The following OOSP4A variants were observed in gnomAD, a reference collection of about 807,000 sequenced individuals.
OOSP4A encodes oocyte-secreted protein 4A.
At chr11:59,969,040 C>T (rs1854131368) in intron 3 of OOSP4A, 110 bp from the exon 4 acceptor site, 1 of 394,804 alleles carries the variant, frequency 2.5e-6, no homozygotes, top group African/African-American at 2.1e-5. Flanking sequence ...CATTCTCTCA[C>T]AGCTGGAAGA....
At chr11:59,965,802 T>C (rs1189259136) in intron 2 of OOSP4A, 89 bp downstream of exon 2, 4 of 397,038 alleles carry the variant, frequency 1.0e-5, no homozygotes, top group Non-Finnish European at 1.8e-5. Flanking sequence ...TATTCACATT[T>C]TAATTGTCAG....
intron 3 of OOSP4A, 49 bp from the exon 4 acceptor site, chr11:59,969,100 CA>C: frequency 2.5e-6 from 1 of 397,752 alleles, no homozygotes; most frequent in Non-Finnish European, 4.4e-6. Flanking sequence ...TCTCCACCTC[CA>C]AAAGCATAAT....
exon 5 of OOSP4A, chr11:59,970,093 A>C (rs906885590): frequency 1.3e-5 from 5 of 398,024 alleles, no homozygotes; most frequent in African/African-American, 1.0e-4. Context: ...TCCCTTCCTA[A>C]GTGTAAGAAC....
At chr11:59,965,745 T>C in intron 2 of OOSP4A, 32 bp downstream of exon 2, 1 of 398,282 alleles carries the variant, frequency 2.5e-6, no homozygotes. Context: ...ACCAATAATA[T>C]ATCTTTTGAC....
intron 1 of OOSP4A, 57 bp downstream of exon 1, chr11:59,964,156 T>C: frequency 2.5e-6 from 1 of 396,814 alleles, no homozygotes; most frequent in Non-Finnish European, 4.4e-6. Flanking sequence ...GGCTTTTTTT[T>C]TTTTTTTTTT....
At chr11:59,965,677 C>A (rs767883859) in exon 2 of OOSP4A, 4 of 398,444 alleles carry the variant, frequency 1.0e-5, no homozygotes, top group Non-Finnish European at 1.8e-5. Context: ...TCTTTGGGTT[C>A]CTGTATCTTC....
intron 3 of OOSP4A, among the ~76,000 whole-genome samples, chr11:59,967,417 A>G (rs1306721741): frequency 6.6e-6 from 1 of 152,130 alleles, no homozygotes; most frequent in Non-Finnish European, 1.5e-5. Flanking sequence ...TATGTCAGAA[A>G]GTTTTTGTTA....
chr11:59,964,201 T>C (rs1854072741), intron 1 of OOSP4A, 102 bp downstream of exon 1: 1 of 396,040 alleles, frequency 2.5e-6, no homozygotes, highest in South Asian at 1.4e-4. Context: ...TTTGTTTTTT[T>C]TATAACCTAG....
At chr11:59,970,129 G>A (rs753501461) in exon 5 of OOSP4A, 3 of 397,930 alleles carry the variant, frequency 7.5e-6, no homozygotes, top group South Asian at 1.3e-4. Context: ...GGATGATGAG[G>A]CTACCCTACT....
intron 2 of OOSP4A, 42 bp from the exon 3 acceptor site, chr11:59,967,025 A>G (rs1333370919): frequency 1.3e-5 from 5 of 397,164 alleles, no homozygotes; most frequent in Non-Finnish European, 2.2e-5. Flanking sequence ...AAGCATTTGA[A>G]AGAGATATAA....
chr11:59,964,979 A>C (rs151120430), intron 1 of OOSP4A, among the ~76,000 whole-genome samples: 4,126 of 152,170 alleles, frequency 0.027, 75 homozygotes, highest in Non-Finnish European at 0.041. Flanking sequence ...ATCCCTAAAA[A>C]CAAAGTGTGC....
intron 3 of OOSP4A, among the ~76,000 whole-genome samples, chr11:59,968,912 T>G (rs1000124571): frequency 1.3e-5 from 2 of 152,216 alleles, no homozygotes; most frequent in Admixed American, 1.3e-4. Flanking sequence ...TGAAATTGGC[T>G]TCAGGTCACA....
intron 1 of OOSP4A, 124 bp from the exon 2 acceptor site, chr11:59,965,411 G>A (rs987137017): frequency 2.5e-6 from 1 of 396,264 alleles, no homozygotes; most frequent in Admixed American, 4.4e-5. Flanking sequence ...TATACAAATA[G>A]GAGCAAAACA....
At chr11:59,967,117 G>T (rs1326835635) in exon 3 of OOSP4A, 1 of 398,028 alleles carries the variant, frequency 2.5e-6, no homozygotes, top group Middle Eastern at 6.2e-4. Context: ...ATGAACCAAC[G>T]AATTTTGACT....
chr11:59,967,007 G>T, intron 2 of OOSP4A, 60 bp from the exon 3 acceptor site: 1 of 395,780 alleles, frequency 2.5e-6, no homozygotes, highest in Non-Finnish European at 4.5e-6. Context: ...TTTTAAAATG[G>T]AATTTGAAAG....
Position 59,969,720 on chromosome 11 carries a change from C to T in OOSP4A, c.480-329C>T, listed in dbSNP as rs117379233. On this transcript the variant is annotated intron_variant, in intron 4 of 4. Transcript: ENST00000645590. ...ATTCAAATAGGCTATAATCTTTGGA[C>T]TTTAGTATGCTAGAGGGACAGGCCC... is the stretch of plus-strand genomic sequence containing the variant. 1.6e-3 allele frequency among the ~76,000 whole-genome samples: 246 copies of T among 152,278 alleles called. 4 individuals carry two copies. In the East Asian group the frequency reaches 0.035, roughly 22 times the overall value.
exon 1 of OOSP4A, chr11:59,964,066 A>G (rs900225511): frequency 1.8e-5 from 7 of 396,822 alleles, no homozygotes; most frequent in Non-Finnish European, 2.7e-5. Flanking sequence ...AAAGCTCCTC[A>G]TGCTTTTCGA....
chr11:59,966,534 G>A (rs538733795), intron 2 of OOSP4A, among the ~76,000 whole-genome samples: 2 of 151,480 alleles, frequency 1.3e-5, no homozygotes, highest in Admixed American at 1.3e-4. Context: ...GGAGTGCAGC[G>A]GCACAATCTC....
chr11:59,968,841 T>A (rs987764514), intron 3 of OOSP4A, among the ~76,000 whole-genome samples: 1 of 152,196 alleles, frequency 6.6e-6, no homozygotes, highest in African/African-American at 2.4e-5. Context: ...TCTGTTGAGA[T>A]GATTAGAGAT....
Sources: gnomAD v4.1 joint callset for allele counts (sites outside exome capture counted in the v4.1 genomes callset) on GRCh38, gnomAD v4.1.1 for gene constraint, MANE v1.5 for transcripts, NCBI Gene and HGNC (gene_info 2026-07-23, HGNC 2026-07-21) for gene names.